The following LRRC4C variants were observed in gnomAD, a reference collection of about 807,000 sequenced individuals.
LRRC4C encodes leucine-rich repeat-containing protein 4C.
Under a neutral mutation model 33.6 loss-of-function variants are expected in LRRC4C, and 5 were observed. The ratio of observed to expected loss-of-function variants is 0.15; its 90% CI spans 0.08 to 0.31. The LOEUF (loss-of-function observed/expected upper bound fraction) is 0.31, where lower values mean the gene tolerates loss of function less well. Ranked by LOEUF, LRRC4C falls within the 10% of genes least tolerant of loss-of-function variation. The pLI, the probability that LRRC4C is intolerant of heterozygous loss-of-function variation, is 1.00. For missense variants in LRRC4C, 560 were observed against 796.7 expected (o/e 0.70, Z 3.58); for synonymous variants, 329 against 302.0 (o/e 1.09, Z -0.93).
chr11:40,512,735 C>A (rs567346706), intron 3 of LRRC4C, among the ~76,000 whole-genome samples: 1 of 152,174 alleles, frequency 6.6e-6, no homozygotes, highest in South Asian at 2.1e-4. Flanking sequence ...CAAAATGCCA[C>A]GTCTGCGAAA....
chr11:40,619,631 C>T (rs1383183304), intron 3 of LRRC4C, among the ~76,000 whole-genome samples: 1 of 151,534 alleles, frequency 6.6e-6, no homozygotes, highest in Non-Finnish European at 1.5e-5. Flanking sequence ...CCCTAAATCC[C>T]GTAGATCAAT....
At chr11:40,666,393 A>C (rs1943812901) in intron 2 of LRRC4C, among the ~76,000 whole-genome samples, 1 of 152,150 alleles carries the variant, frequency 6.6e-6, no homozygotes, top group Non-Finnish European at 1.5e-5. Flanking sequence ...TCTAGTAAGG[A>C]GAGAAGGTCA....
At chr11:41,235,017 T>C (rs147710216) in intron 1 of LRRC4C, among the ~76,000 whole-genome samples, 1 of 151,966 alleles carries the variant, frequency 6.6e-6, no homozygotes, top group African/African-American at 2.4e-5. Flanking sequence ...AGGTGAAGGA[T>C]CAGAACTCAG....
intron 2 of LRRC4C, among the ~76,000 whole-genome samples, chr11:40,816,287 C>T (rs1015321907): frequency 3.6e-4 from 55 of 152,290 alleles, no homozygotes; most frequent in Middle Eastern, 3.4e-3. Flanking sequence ...CATCTGTGTG[C>T]CAACAGATTG....
chr11:40,725,850 T>G (rs998788163), intron 2 of LRRC4C, among the ~76,000 whole-genome samples: 1 of 152,158 alleles, frequency 6.6e-6, no homozygotes, highest in African/African-American at 2.4e-5. Context: ...TTGCTTGAGC[T>G]GCAAGCCTAT....
At chr11:40,961,271 T>C (rs1012600911) in intron 1 of LRRC4C, among the ~76,000 whole-genome samples, 12 of 151,722 alleles carry the variant, frequency 7.9e-5, no homozygotes, top group African/African-American at 2.9e-4. Flanking sequence ...TCTATTCACA[T>C]GGCAAGGATC....
In LRRC4C at chr11:41,000,285, G is replaced by A. The variant is rs552860866; in HGVS notation, c.-495-66562C>T. On this transcript the variant is annotated intron_variant, in intron 1 of 6. Transcript: ENST00000528697. ...ATTAGAGTTGACAGTCATCCCATGC[G>A]GAGAATGAAAAGATTTTGAAAGGCT... Among the ~76,000 whole-genome samples, 5 of 152,164 alleles carry A rather than the reference G, an allele frequency of 3.3e-5. No homozygotes were observed. In the South Asian group the frequency reaches 6.2e-4, roughly 19 times the overall value.
At chr11:40,529,187 G>A (rs1956176606) in intron 3 of LRRC4C, among the ~76,000 whole-genome samples, 1 of 151,956 alleles carries the variant, frequency 6.6e-6, no homozygotes. Context: ...AAACAAAAAG[G>A]GATACAAGGA....
chr11:40,785,702 C>T (rs1205663533), intron 2 of LRRC4C, among the ~76,000 whole-genome samples: 1 of 152,176 alleles, frequency 6.6e-6, no homozygotes, highest in Non-Finnish European at 1.5e-5. Context: ...AAACAATACA[C>T]TTTTAACTGT....
intron 3 of LRRC4C, among the ~76,000 whole-genome samples, chr11:40,524,104 A>C (rs1955939157): frequency 6.6e-6 from 1 of 152,216 alleles, no homozygotes; most frequent in African/African-American, 2.4e-5. Context: ...TACCACTCTC[A>C]AAAGTCCAAA....
At chr11:40,299,460 G>C (rs1199180931) in intron 4 of LRRC4C, among the ~76,000 whole-genome samples, 1 of 152,198 alleles carries the variant, frequency 6.6e-6, no homozygotes, top group Non-Finnish European at 1.5e-5. Context: ...AAGTAGATGA[G>C]AGAAAAGTTT....
intron 3 of LRRC4C, among the ~76,000 whole-genome samples, chr11:40,643,525 C>T (rs1407146733): frequency 6.6e-6 from 1 of 152,104 alleles, no homozygotes; most frequent in East Asian, 1.9e-4. Flanking sequence ...AACTTCTACC[C>T]CTACCATCCC....
chr11:41,157,108 T>C (rs1447620772), intron 1 of LRRC4C, among the ~76,000 whole-genome samples: 1 of 152,096 alleles, frequency 6.6e-6, no homozygotes, highest in Non-Finnish European at 1.5e-5. Context: ...AGCGCCTTGA[T>C]CTTGGGCTTC....
intron 3 of LRRC4C, among the ~76,000 whole-genome samples, chr11:40,326,510 A>G (rs1250283287): frequency 3.3e-5 from 5 of 151,500 alleles, no homozygotes; most frequent in Admixed American, 2.6e-4. Context: ...GTAGTGAGCC[A>G]AGATCATGCC....
intron 1 of LRRC4C, among the ~76,000 whole-genome samples, chr11:41,205,271 A>G (rs1162007654): frequency 6.6e-6 from 1 of 152,206 alleles, no homozygotes; most frequent in Non-Finnish European, 1.5e-5. Context: ...ATGATAGAAA[A>G]CCAATGAACA....
chr11:40,725,630 A>C (rs1418123566), intron 2 of LRRC4C, among the ~76,000 whole-genome samples: 1 of 152,170 alleles, frequency 6.6e-6, no homozygotes, highest in Non-Finnish European at 1.5e-5. Flanking sequence ...ATAATACTAA[A>C]AATCATACCT....
chr11:40,150,405 A>G (rs916879088), intron 5 of LRRC4C, among the ~76,000 whole-genome samples: 2 of 152,228 alleles, frequency 1.3e-5, no homozygotes, highest in Non-Finnish European at 2.9e-5. Flanking sequence ...TCTATATGCA[A>G]TGAAAAACTC....
At chr11:41,341,882 G>A (rs150901272) in intron 1 of LRRC4C, among the ~76,000 whole-genome samples, 2 of 152,218 alleles carry the variant, frequency 1.3e-5, no homozygotes, top group East Asian at 3.9e-4. Flanking sequence ...CTTTGACCAG[G>A]TAACTCACGT....
At chr11:40,986,352 C>A (rs760111971) in intron 1 of LRRC4C, among the ~76,000 whole-genome samples, 1 of 152,114 alleles carries the variant, frequency 6.6e-6, no homozygotes. Context: ...AATCTCAACA[C>A]TTTTGGAGGC....
Sources: gnomAD v4.1 joint callset for allele counts (sites outside exome capture counted in the v4.1 genomes callset) on GRCh38, gnomAD v4.1.1 for gene constraint, MANE v1.5 for transcripts, NCBI Gene and HGNC (gene_info 2026-07-23, HGNC 2026-07-21) for gene names.